Variants in CDK14 observed in about 807,000 individuals in gnomAD.
CDK14 encodes cyclin-dependent kinase 14.
CDK14 carries 34 observed loss-of-function variants against 60.7 expected under a neutral mutation model. That is an observed-to-expected ratio of 0.56 (90% CI 0.43 to 0.75). The LOEUF (loss-of-function observed/expected upper bound fraction) is 0.75, where lower values mean the gene tolerates loss of function less well. Among genes scored for constraint, CDK14 ranks in the 30% least tolerant of loss-of-function variants. The pLI is 0.00. For synonymous variants in CDK14, 197 were observed against 203.7 expected, an observed-to-expected ratio of 0.97 and a Z score of 0.28; for missense variants, 482 against 564.1, an observed-to-expected ratio of 0.85 and a Z score of 1.47.
chr7:90,656,383 C>CTTTTT (rs5885737), intron 2 of CDK14, among the ~76,000 whole-genome samples: 2 of 139,554 alleles, frequency 1.4e-5, no homozygotes, highest in Non-Finnish European at 3.1e-5. Context: ...TTCTTTCTTT[C>CTTTTT]TTTTTTTTTT....
At chr7:90,723,194 A>G (rs895920114) in intron 2 of CDK14, among the ~76,000 whole-genome samples, 3 of 152,172 alleles carry the variant, frequency 2.0e-5, no homozygotes, top group Admixed American at 1.3e-4. Context: ...TTCTGAGTCT[A>G]TTGAGATGAT....
chr7:91,079,589 T>C, intron 12 of CDK14, 109 bp downstream of exon 12: 1 of 809,078 alleles, frequency 1.2e-6, no homozygotes, highest in Non-Finnish European at 2.1e-6. Context: ...TGTGTATTTA[T>C]TCATTCATTT....
chr7:90,793,682 G>T (rs1046453729), intron 5 of CDK14, among the ~76,000 whole-genome samples: 1 of 149,414 alleles, frequency 6.7e-6, no homozygotes, highest in Admixed American at 6.7e-5. Flanking sequence ...ATGCAACCAT[G>T]TTTAGTGGAT....
At chr7:91,176,636 G>A (rs1364057698) in intron 14 of CDK14, among the ~76,000 whole-genome samples, 8 of 152,108 alleles carry the variant, frequency 5.3e-5, no homozygotes, top group South Asian at 2.1e-4. Flanking sequence ...TATCACCACC[G>A]ATCCCACAGA....
chr7:90,684,303 G>A (rs1387749502), intron 2 of CDK14, among the ~76,000 whole-genome samples: 1 of 152,032 alleles, frequency 6.6e-6, no homozygotes, highest in Non-Finnish European at 1.5e-5. Context: ...TATTTAATGT[G>A]TACAACATGA....
At chr7:91,176,518 G>A (rs1283239154) in intron 14 of CDK14, among the ~76,000 whole-genome samples, 1 of 152,026 alleles carries the variant, frequency 6.6e-6, no homozygotes, top group African/African-American at 2.4e-5. Flanking sequence ...ATGAATCCAG[G>A]AGCTGGTTTT....
intron 3 of CDK14, 60 bp downstream of exon 3, chr7:90,726,872 G>A (rs1802654754): frequency 6.4e-7 from 1 of 1,572,020 alleles, no homozygotes; most frequent in Non-Finnish European, 8.7e-7. Context: ...TCTTATGATA[G>A]CATGCGGTGC....
chr7:90,596,657 C>A lies in CDK14; in HGVS notation c.30C>A (p.Ala10=). The A allele has an allele frequency of 6.2e-7, 1 of 1,612,254 alleles. No homozygotes were observed. The highest frequency in any genetic ancestry group is 8.5e-7 in the Non-Finnish European group (1 of 1,179,474). ...GTGACCTCATTGAGCCGCAGCCGGC[C>A]GAGAAGATCGGCAAGATGAAGAAGT... MCDLIEPQP[A]EKIGKMKKLR... Residue 10 remains alanine, a synonymous_variant, in exon 1 of 15, where the codon GCC becomes GCA. Coordinates refer to ENST00000380050, the MANE Select transcript of CDK14 (RefSeq NM_001287135.2).
chr7:91,065,170 G>A (rs1797939684), intron 11 of CDK14, among the ~76,000 whole-genome samples: 1 of 152,144 alleles, frequency 6.6e-6, no homozygotes, highest in African/African-American at 2.4e-5. Flanking sequence ...CTATAGCCAG[G>A]GCAAGTTCAG....
rs1051076991 is a variant in CDK14, at chr7:91,207,218, A to G, written c.*82A>G. ...AAAAAAAACATTAATGAAGAGGCCA[A>G]TAATATGAAGGGAATCATGGATCAG... is the stretch of plus-strand genomic sequence containing the variant. On this transcript the variant is annotated 3_prime_UTR_variant, in exon 15 of 15. Transcript: ENST00000380050. 1 of 152,134 alleles carries G rather than the reference A, an allele frequency of 6.6e-6. No homozygotes were observed. Among genetic ancestry groups the G allele is most frequent in the African/African-American group, 2.4e-5 (1 of 41,436 alleles). The allele number at this position is 152,134 out of a possible 1,614,324, so 9.4% of individuals were successfully genotyped here. A position where few individuals can be genotyped will look rare whatever the true frequency, so the allele number is the denominator to read the frequency against.
chr7:91,059,358 C>T (rs2116103193), intron 11 of CDK14, among the ~76,000 whole-genome samples: 1 of 152,226 alleles, frequency 6.6e-6, no homozygotes, highest in Admixed American at 6.5e-5. Context: ...AAAACCAGCT[C>T]CTGGATTCAT....
At chr7:91,182,751 A>T (rs1279239062) in intron 14 of CDK14, among the ~76,000 whole-genome samples, 1 of 152,186 alleles carries the variant, frequency 6.6e-6, no homozygotes, top group South Asian at 2.1e-4. Flanking sequence ...AAAAGGAAAA[A>T]ATATGAATGG....
intron 5 of CDK14, among the ~76,000 whole-genome samples, chr7:90,831,300 A>G (rs1172473078): frequency 2.6e-5 from 4 of 152,158 alleles, no homozygotes; most frequent in Non-Finnish European, 5.9e-5. Flanking sequence ...AGCACGACAC[A>G]TCTTACGTGG....
intron 11 of CDK14, among the ~76,000 whole-genome samples, chr7:91,062,753 G>A (rs1234321785): frequency 6.6e-6 from 1 of 151,006 alleles, no homozygotes; most frequent in Non-Finnish European, 1.5e-5. Flanking sequence ...ACTGTTTCAT[G>A]ACACAAAAAC....
At chr7:91,181,910 A>C (rs1295805054) in intron 14 of CDK14, among the ~76,000 whole-genome samples, 3 of 152,196 alleles carry the variant, frequency 2.0e-5, no homozygotes, top group Non-Finnish European at 2.9e-5. Flanking sequence ...TTGTGAGGTC[A>C]CAATTTGAGT....
chr7:90,723,560 A>G (rs1418252003), intron 2 of CDK14, among the ~76,000 whole-genome samples: 2 of 152,190 alleles, frequency 1.3e-5, no homozygotes, highest in African/African-American at 4.8e-5. Flanking sequence ...TGTTCTTACA[A>G]TGTTTTCTCA....
intron 2 of CDK14, among the ~76,000 whole-genome samples, chr7:90,633,768 G>A (rs1460422655): frequency 6.6e-6 from 1 of 151,868 alleles, no homozygotes; most frequent in African/African-American, 2.4e-5. Flanking sequence ...TCTATGATGG[G>A]TATATTGTAA....
At chr7:90,727,948 G>A (rs189942011) in intron 3 of CDK14, among the ~76,000 whole-genome samples, 6 of 152,104 alleles carry the variant, frequency 3.9e-5, no homozygotes, top group South Asian at 2.1e-4. Context: ...GTACATCCTC[G>A]CAGTAGCTTC....
At chr7:90,955,601 G>A (rs1036750632) in intron 8 of CDK14, 96 bp from the exon 9 acceptor site, 2 of 1,367,354 alleles carry the variant, frequency 1.5e-6, no homozygotes, top group Non-Finnish European at 1.0e-6. Flanking sequence ...GTATTAAAAG[G>A]TCGGGTTTGA....
Sources: allele counts gnomAD v4.1 joint callset (sites outside exome capture counted in the v4.1 genomes callset), GRCh38; gene constraint gnomAD v4.1.1; transcripts MANE v1.5; gene names NCBI Gene and HGNC (gene_info 2026-07-23, HGNC 2026-07-21).